The following BEND6 variants were observed in gnomAD, a reference collection of about 807,000 sequenced individuals.
BEND6 encodes the protein BEN domain containing 6.
BEND6 carries 24 observed loss-of-function variants against 31.8 expected under a neutral mutation model. The ratio of observed to expected loss-of-function variants is 0.75; its 90% CI spans 0.55 to 1.06. The LOEUF (loss-of-function observed/expected upper bound fraction) is 1.06. Ranked by LOEUF, BEND6 falls within the 50% of genes least tolerant of loss-of-function variation. The pLI is 0.00. For synonymous variants in BEND6, 109 were observed against 114.6 expected (o/e 0.95, Z 0.31); for missense variants, 294 against 327.4 (o/e 0.90, Z 0.79).
intron 1 of BEND6, chr6:56,975,727 T>A (rs1433369471): frequency 2.1e-6 from 1 of 483,400 alleles, no homozygotes; most frequent in Non-Finnish European, 4.1e-6. Context: ...GGATATTTTG[T>A]GCATTCAATT....
In BEND6 at chr6:57,026,396, G is replaced by A. The variant is rs1027853862; in HGVS notation, c.*324G>A. The A allele has an allele frequency of 6.6e-6, 1 of 152,222 alleles. No homozygotes were observed. The highest frequency in any genetic ancestry group is 2.4e-5 in the African/African-American group (1 of 41,458). 9.4% of individuals were successfully genotyped at this position (152,222 alleles called of 1,614,324 possible). Reference sequence around the variant, plus strand: ...ACCCCTCTGTACAGTTAATCTAACAGGATAGTCAGAGCTCTTATCATAGCA... The same window carrying A: ...ACCCCTCTGTACAGTTAATCTAACAAGATAGTCAGAGCTCTTATCATAGCA... On this transcript the variant is annotated 3_prime_UTR_variant, in exon 7 of 7. Transcript: ENST00000370746.
At chr6:56,992,305 G>A in intron 2 of BEND6, 73 bp from the exon 3 acceptor site, 1 of 1,443,542 alleles carries the variant, frequency 6.9e-7, no homozygotes, top group Non-Finnish European at 9.3e-7. Context: ...CCAACAACAT[G>A]CAATGGTTAA....
At chr6:56,992,736 A>T (rs1016474200) in intron 3 of BEND6, among the ~76,000 whole-genome samples, 181 bp downstream of exon 3, 1 of 152,220 alleles carries the variant, frequency 6.6e-6, no homozygotes, top group Non-Finnish European at 1.5e-5. Flanking sequence ...CTATTGAAGG[A>T]TCTAGCTTAT....
Position 56,992,479 on chromosome 6 carries a change from A to G in BEND6, c.222A>G (p.Ile74Met), listed in dbSNP as rs769056468. The G allele has an allele frequency of 1.2e-6, 2 of 1,614,196 alleles. No homozygotes were observed. The highest frequency in any genetic ancestry group is 8.5e-7 in the Non-Finnish European group (1 of 1,180,020). The change falls in exon 3 of 7, where the codon ATA (isoleucine) becomes ATG (methionine). Residue 74 changes from isoleucine (I) to methionine (M), a missense_variant. Physicochemically the swap from Ile to Met is conservative, Grantham distance 10. Transcript: ENST00000370746. Reference sequence around the variant, plus strand: ...CAAAGGAAGAATTGTGCGCCAAAATAAAAAGCCTGAAAGAAAAACTAACAA... The same window carrying G: ...CAAAGGAAGAATTGTGCGCCAAAATGAAAAGCCTGAAAGAAAAACTAACAA... ...ELSKEELCAK[I>M]KSLKEKLTNT...
chr6:56,962,833 G>C (rs979795411), intron 1 of BEND6, among the ~76,000 whole-genome samples: 1 of 152,096 alleles, frequency 6.6e-6, no homozygotes, highest in Admixed American at 6.6e-5. Context: ...TTCCCCAGAA[G>C]GCATGGAATA....
At position 57,027,036 on chromosome 6, in the gene BEND6, A is replaced by C. The variant is rs371664313; in HGVS notation, c.*964A>C. On this transcript the variant is annotated 3_prime_UTR_variant, in exon 7 of 7. Coordinates refer to ENST00000370746, the MANE Select transcript of BEND6 (RefSeq NM_152731.3). The stretch of plus-strand genomic sequence containing the variant: ...TGGGTTTGATAATCACACACATGAA[A>C]GTACCATTTTGTAACTCAACAAAAG... 5 of 152,354 alleles carry C rather than the reference A, an allele frequency of 3.3e-5. No homozygotes were observed. In the South Asian group the frequency reaches 8.3e-4, roughly 25 times the overall value. The allele number at this position is 152,354 out of a possible 1,614,324, so 9.4% of individuals were successfully genotyped here.
At position 57,027,246 on chromosome 6, in the gene BEND6, T is replaced by C. The variant is rs1341753978; in HGVS notation, c.*1174T>C. 2.0e-5 allele frequency: 3 copies of C among 152,212 alleles called. No individual in the cohort carries two copies. The highest frequency in any genetic ancestry group is 7.2e-5 in the African/African-American group (3 of 41,468). The allele number at this position is 152,212 out of a possible 1,614,324, so 9.4% of individuals were successfully genotyped here. A position where few individuals can be genotyped will look rare whatever the true frequency, so the allele number is the denominator to read the frequency against. ...GAAATTTTCCATAAGTCTTGCTTGA[T>C]AACAATGTGATTGTACAAAATAAAT... On this transcript the variant is annotated 3_prime_UTR_variant, in exon 7 of 7. Transcript: ENST00000370746.
intron 3 of BEND6, among the ~76,000 whole-genome samples, chr6:57,011,658 T>TA (rs887094488): frequency 7.7e-6 from 1 of 129,370 alleles, no homozygotes; most frequent in Admixed American, 9.5e-5. Context: ...GTCAAGGCTG[T>TA]AGTAAGCTGT....
At chr6:56,956,502 A>T (rs1825029199) in intron 1 of BEND6, among the ~76,000 whole-genome samples, 1 of 152,240 alleles carries the variant, frequency 6.6e-6, no homozygotes, top group African/African-American at 2.4e-5. Flanking sequence ...CCAGATTCAT[A>T]AGCATGGAAA....
intron 1 of BEND6, among the ~76,000 whole-genome samples, chr6:56,981,119 T>C (rs761220304): frequency 1.3e-5 from 2 of 152,158 alleles, no homozygotes; most frequent in Non-Finnish European, 2.9e-5. Flanking sequence ...CAGCCTGCTT[T>C]ATCAGATTTT....
intron 1 of BEND6, among the ~76,000 whole-genome samples, chr6:56,964,546 C>T (rs903870684): frequency 1.3e-5 from 2 of 151,898 alleles, no homozygotes; most frequent in Non-Finnish European, 2.9e-5. Flanking sequence ...CTGTTGCCCA[C>T]GCTGGAGTGC....
At chr6:56,999,484 G>A (rs1826845082) in intron 3 of BEND6, among the ~76,000 whole-genome samples, 1 of 152,196 alleles carries the variant, frequency 6.6e-6, no homozygotes, top group Non-Finnish European at 1.5e-5. Flanking sequence ...TCATGCCTGT[G>A]CAAAGAGCTT....
intron 3 of BEND6, among the ~76,000 whole-genome samples, 174 bp downstream of exon 3, chr6:56,992,729 T>C (rs886687727): frequency 1.3e-5 from 2 of 152,230 alleles, no homozygotes; most frequent in Non-Finnish European, 2.9e-5. Context: ...AAGCACTCTA[T>C]TGAAGGATCT....
chr6:57,021,341 G>A (rs1050609115), intron 6 of BEND6, among the ~76,000 whole-genome samples: 1 of 152,118 alleles, frequency 6.6e-6, no homozygotes, highest in African/African-American at 2.4e-5. Flanking sequence ...TTAACTCACA[G>A]GAGCCTATGG....
chr6:56,983,594 C>G (rs1197256829), intron 2 of BEND6, among the ~76,000 whole-genome samples: 1 of 152,158 alleles, frequency 6.6e-6, no homozygotes, highest in East Asian at 1.9e-4. Context: ...CTTCACCTAA[C>G]ATAACATCCT....
chr6:56,969,576 C>G (rs1592972348), intron 1 of BEND6, among the ~76,000 whole-genome samples: 1 of 152,112 alleles, frequency 6.6e-6, no homozygotes, highest in African/African-American at 2.4e-5. Context: ...CTTTTGAAAC[C>G]TATGAAAGAG....
intron 1 of BEND6, among the ~76,000 whole-genome samples, chr6:56,974,750 C>T: frequency 6.6e-6 from 1 of 152,294 alleles, no homozygotes; most frequent in East Asian, 1.9e-4. Context: ...TTTATTTCTG[C>T]TCCTTTCATA....
chr6:57,019,411 C>T (rs1485987289), intron 6 of BEND6, among the ~76,000 whole-genome samples: 2 of 152,172 alleles, frequency 1.3e-5, no homozygotes, highest in African/African-American at 2.4e-5. Flanking sequence ...GGGTAAGGCC[C>T]ACCACAGATA....
At chr6:56,992,076 T>A (rs1227739862) in intron 2 of BEND6, among the ~76,000 whole-genome samples, 1 of 152,232 alleles carries the variant, frequency 6.6e-6, no homozygotes, top group Non-Finnish European at 1.5e-5. Flanking sequence ...CAGATTTGAA[T>A]GGTGGTCTTG....
Sources: gnomAD v4.1 joint callset for allele counts (sites outside exome capture counted in the v4.1 genomes callset) on GRCh38, gnomAD v4.1.1 for gene constraint, MANE v1.5 for transcripts, NCBI Gene and HGNC (gene_info 2026-07-23, HGNC 2026-07-21) for gene names.